RBKS: variants seen among roughly 807,000 people sequenced by gnomAD.
RBKS encodes the protein ribokinase.
RBKS carries 33 observed loss-of-function variants against 33.9 expected under a neutral mutation model. The ratio of observed to expected loss-of-function variants is 0.97; its 90% CI spans 0.74 to 1.30. RBKS has a LOEUF of 1.30. Ranked by LOEUF, RBKS falls within the 50% of genes most tolerant of loss-of-function variation. The pLI is 0.00. For synonymous variants in RBKS, 125 were observed against 143.0 expected, an observed-to-expected ratio of 0.87 and a Z score of 0.90; for missense variants, 361 against 392.6, an observed-to-expected ratio of 0.92 and a Z score of 0.68.
chr2:27,805,069 A>G (rs1677870361), intron 7 of RBKS, among the ~76,000 whole-genome samples: 1 of 151,992 alleles, frequency 6.6e-6, no homozygotes, highest in Non-Finnish European at 1.5e-5. Context: ...TAAGGTAAAA[A>G]TCCATCCACA....
At chr2:27,840,354 A>ACG (rs1287898321) in intron 5 of RBKS, among the ~76,000 whole-genome samples, 366 of 108,396 alleles carry the variant, frequency 3.4e-3, no homozygotes, top group Middle Eastern at 0.022. Context: ...ACACACACAC[A>ACG]CGCGCGCGCG....
At chr2:27,881,046 T>C (rs1664406391) in intron 1 of RBKS, among the ~76,000 whole-genome samples, 1 of 151,726 alleles carries the variant, frequency 6.6e-6, no homozygotes, top group African/African-American at 2.4e-5. Flanking sequence ...AAACCCCATC[T>C]CTGCAAACCA....
chr2:27,841,674 T>C (rs144486687), intron 5 of RBKS, among the ~76,000 whole-genome samples: 1 of 152,068 alleles, frequency 6.6e-6, no homozygotes, highest in East Asian at 1.9e-4. Context: ...AGTGACTTAT[T>C]TTCCATTTAT....
At chr2:27,840,272 G>A (rs1320719984) in intron 5 of RBKS, among the ~76,000 whole-genome samples, 2 of 148,220 alleles carry the variant, frequency 1.3e-5, no homozygotes, top group South Asian at 2.1e-4. Flanking sequence ...CACCCACCTC[G>A]GCCTCCCAAA....
intron 1 of RBKS, among the ~76,000 whole-genome samples, chr2:27,876,110 T>C (rs1664310864): frequency 6.6e-6 from 1 of 152,136 alleles, no homozygotes; most frequent in Non-Finnish European, 1.5e-5. Flanking sequence ...AGAATTACCA[T>C]ATGATCCAGC....
At position 27,872,700 on chromosome 2, in the gene RBKS, TAAC is replaced by T. The variant is rs1041041644; in HGVS notation, c.90-14132_90-14130del. Among the ~76,000 whole-genome samples the T allele has an allele frequency of 5.9e-5, 9 of 152,072 alleles. No homozygotes were observed. The South Asian group carries it at 6.2e-4, about 11-fold the overall frequency. On this transcript the variant is annotated intron_variant, in intron 1 of 7. Transcript: ENST00000302188. Reference sequence around the variant, plus strand: ...AAATACATAAAACCAAAAAAATATATAACAACAACAAGAAATTGTCAAATCCAC... The same window carrying T: ...AAATACATAAAACCAAAAAAATATATAACAACAAGAAATTGTCAAATCCAC...
intron 1 of RBKS, among the ~76,000 whole-genome samples, chr2:27,886,603 G>T (rs764351577): frequency 6.6e-6 from 1 of 152,216 alleles, no homozygotes; most frequent in Admixed American, 6.5e-5. Context: ...GGCCAGGCAC[G>T]GTGGCTCACG....
At chr2:27,801,963 A>AATATATAT (rs869036134) in intron 7 of RBKS, among the ~76,000 whole-genome samples, 10 of 47,618 alleles carry the variant, frequency 2.1e-4, no homozygotes, top group South Asian at 9.7e-4. Flanking sequence ...AAAAAAAAAA[A>AATATATAT]ATATATATAT....
intron 5 of RBKS, 99 bp downstream of exon 5, chr2:27,842,968 C>G: frequency 1.2e-6 from 1 of 848,666 alleles, no homozygotes; most frequent in Non-Finnish European, 1.7e-6. Flanking sequence ...GAATATTTTA[C>G]GACAGAAAGA....
At chr2:27,804,588 C>T (rs1432933604) in intron 7 of RBKS, among the ~76,000 whole-genome samples, 5 of 152,136 alleles carry the variant, frequency 3.3e-5, no homozygotes, top group South Asian at 4.1e-4. Flanking sequence ...GCACTTTGTG[C>T]GAAAAGTGAA....
At chr2:27,813,680 T>C (rs1678034765) in intron 7 of RBKS, among the ~76,000 whole-genome samples, 1 of 152,002 alleles carries the variant, frequency 6.6e-6, no homozygotes, top group African/African-American at 2.4e-5. Flanking sequence ...TATATATATA[T>C]GTATGGAGAG....
intron 7 of RBKS, among the ~76,000 whole-genome samples, chr2:27,820,389 T>C (rs1316454983): frequency 6.6e-6 from 1 of 152,332 alleles, no homozygotes; most frequent in East Asian, 1.9e-4. Flanking sequence ...TAAATGGCAC[T>C]ACATTATTAT....
intron 5 of RBKS, among the ~76,000 whole-genome samples, chr2:27,836,701 T>C (rs1013638552): frequency 2.0e-5 from 3 of 151,938 alleles, no homozygotes; most frequent in African/African-American, 7.3e-5. Context: ...GTCAATAGAG[T>C]AAACAGAAAA....
intron 1 of RBKS, among the ~76,000 whole-genome samples, chr2:27,874,533 C>A (rs1664276445): frequency 6.6e-6 from 1 of 152,166 alleles, no homozygotes; most frequent in Admixed American, 6.5e-5. Context: ...TCTGTATTAC[C>A]ACAGCAGAGA....
intron 7 of RBKS, among the ~76,000 whole-genome samples, chr2:27,789,945 A>G (rs74175070): frequency 8.4e-5 from 9 of 107,622 alleles, no homozygotes; most frequent in East Asian, 6.4e-4. Flanking sequence ...ATATATGTAT[A>G]TGTGTATATA....
chr2:27,784,448 T>G (rs1677360213), intron 7 of RBKS, among the ~76,000 whole-genome samples: 1 of 152,186 alleles, frequency 6.6e-6, no homozygotes, highest in African/African-American at 2.4e-5. Flanking sequence ...AGCACAGTGA[T>G]GGGTGCTAGA....
At chr2:27,851,569 G>A (rs528253328) in intron 2 of RBKS, among the ~76,000 whole-genome samples, 9 of 150,486 alleles carry the variant, frequency 6.0e-5, no homozygotes, top group East Asian at 5.8e-4. Flanking sequence ...ACGGAGTTTC[G>A]CTCTTGTTGC....
In RBKS at chr2:27,781,782, C is replaced by T. The variant is rs762758437; in HGVS notation, c.802G>A (p.Gly268Ser). ...KVKAVDTTGA[G>S]DSFVGALAFY... ...GCCAGAGCTCCCACAAAGCTGTCAC[C>T]AGCACCCTGTAATTGAAAGCACAGT... The change falls in exon 8 of 8, where the codon GGT becomes AGT. Residue 268 changes from glycine (G) to serine (S), a missense_variant. Physicochemically the swap from Gly to Ser is moderately conservative, Grantham distance 56. Coordinates refer to ENST00000302188, the MANE Select transcript of RBKS (RefSeq NM_022128.3). 7 of 1,610,382 alleles carry T rather than the reference C, an allele frequency of 4.3e-6. No homozygotes were observed. The highest frequency in any genetic ancestry group is 2.7e-5 in the African/African-American group (2 of 74,758).
chr2:27,783,025 A>T (rs1677319274), intron 7 of RBKS, among the ~76,000 whole-genome samples: 1 of 152,174 alleles, frequency 6.6e-6, no homozygotes, highest in African/African-American at 2.4e-5. Context: ...CTATAATTCA[A>T]TGCTATATTA....
Sources: gnomAD v4.1 joint callset for allele counts (sites outside exome capture counted in the v4.1 genomes callset) on GRCh38, gnomAD v4.1.1 for gene constraint, MANE v1.5 for transcripts, NCBI Gene and HGNC (gene_info 2026-07-23, HGNC 2026-07-21) for gene names.